The following NEK5 variants were observed in gnomAD, a reference collection of about 807,000 sequenced individuals.
NEK5 encodes serine/threonine-protein kinase Nek5.
In NEK5, 88 loss-of-function variants were observed where a neutral mutation model predicts 109.2. The ratio of observed to expected loss-of-function variants is 0.81; its 90% CI spans 0.68 to 0.96. The LOEUF is 0.96. Among genes scored for constraint, NEK5 ranks in the 40% least tolerant of loss-of-function variants. NEK5 has a pLI of 0.00. For missense variants in NEK5, 834 were observed against 920.7 expected (o/e 0.91, Z 1.22); for synonymous variants, 283 against 299.9 (o/e 0.94, Z 0.58).
At chr13:52,119,254 C>A in intron 4 of NEK5, 65 bp downstream of exon 4, 1 of 845,798 alleles carries the variant, frequency 1.2e-6, no homozygotes, top group Non-Finnish European at 1.8e-6. Context: ...AGGAACAAAT[C>A]TTTTTACATA....
chr13:52,056,104 T>G (rs982048908), intron 22 of NEK5, among the ~76,000 whole-genome samples: 1 of 151,988 alleles, frequency 6.6e-6, no homozygotes. Context: ...TGGAGGAAGA[T>G]CTACCAAGCA....
intron 3 of NEK5, among the ~76,000 whole-genome samples, chr13:52,120,984 T>C (rs1183434661): frequency 6.6e-6 from 1 of 151,130 alleles, no homozygotes; most frequent in East Asian, 1.9e-4. Context: ...CTGGCAAAGA[T>C]GAAAAGAATG....
At position 52,093,241 on chromosome 13, in the gene NEK5, G is replaced by T. The variant is rs1955333008; in HGVS notation, c.1027-6C>A. On this transcript the variant is annotated splice_polypyrimidine_tract_variant and splice_region_variant and intron_variant, in intron 12 of 23. Coordinates refer to ENST00000684899, the MANE Select transcript of NEK5 (RefSeq NM_001365552.1). ...GGTCTTTCTATCATTTTTATCTGAA[G>T]AAAACAAGAGGGGATGTTTTTAAAA... The T allele has an allele frequency of 6.2e-7, 1 of 1,604,958 alleles. No individual in the cohort carries two copies. The highest frequency in any genetic ancestry group is 8.5e-7 in the Non-Finnish European group (1 of 1,172,136).
intron 21 of NEK5, among the ~76,000 whole-genome samples, chr13:52,064,472 C>T (rs1163100362): frequency 2.7e-5 from 4 of 147,072 alleles, no homozygotes; most frequent in African/African-American, 2.5e-5. Flanking sequence ...CCCCGCCCGG[C>T]CAGCCGCCCC....
chr13:52,060,839 C>G (rs1954608156), intron 22 of NEK5, among the ~76,000 whole-genome samples: 1 of 152,092 alleles, frequency 6.6e-6, no homozygotes, highest in African/African-American at 2.4e-5. Context: ...AGAACAAACC[C>G]TCATTATGAT....
At chr13:52,081,387 T>A (rs1197618207) in intron 17 of NEK5, among the ~76,000 whole-genome samples, 1 of 151,656 alleles carries the variant, frequency 6.6e-6, no homozygotes, top group Non-Finnish European at 1.5e-5. Context: ...AGAGATGGGG[T>A]CTCACTATAT....
chr13:52,056,491 T>C (rs1395274615), intron 22 of NEK5, among the ~76,000 whole-genome samples: 1 of 148,176 alleles, frequency 6.7e-6, no homozygotes, highest in Non-Finnish European at 1.5e-5. Flanking sequence ...CAACAGAATA[T>C]ACATTTTTTT....
At chr13:52,060,458 G>A (rs1170636933) in intron 22 of NEK5, among the ~76,000 whole-genome samples, 3 of 152,002 alleles carry the variant, frequency 2.0e-5, no homozygotes, top group Non-Finnish European at 2.9e-5. Flanking sequence ...GGGTTCAAGC[G>A]TTCCTCCTGC....
chr13:52,038,460 A>G (rs928173107), intron 23 of NEK5, among the ~76,000 whole-genome samples: 2 of 152,218 alleles, frequency 1.3e-5, no homozygotes, highest in African/African-American at 2.4e-5. Context: ...TGACTTGCCA[A>G]TTTCAAGGTA....
At chr13:52,098,052 C>A (rs1338089330) in intron 12 of NEK5, among the ~76,000 whole-genome samples, 1 of 152,128 alleles carries the variant, frequency 6.6e-6, no homozygotes, top group African/African-American at 2.4e-5. Context: ...TCCCCTTCTG[C>A]CATGATTATA....
chr13:52,083,346 A>G lies in NEK5; in HGVS notation c.1486T>C (p.Ser496Pro). Reference sequence around the variant, plus strand: ...AAATAGGTTTTATGACTTATTTTTGAGTTCTCCTTTAACACAAATTATACA... The same window carrying G: ...AAATAGGTTTTATGACTTATTTTTGGGTTCTCCTTTAACACAAATTATACA... The part of the protein sequence containing the change: ...KKMGREPEEN[S>P]KISHKTYLVK... Residue 496 changes from serine to proline, a missense_variant, in exon 17 of 24, where the codon TCA becomes CCA. Ser to Pro is a moderately conservative substitution (Grantham distance 74). This residue lies in a region of NEK5 where 777 missense variants were observed against 824.7 expected (regional missense o/e 0.94). Coordinates refer to ENST00000684899, the MANE Select transcript of NEK5 (RefSeq NM_001365552.1). The G allele has an allele frequency of 1.2e-6, 2 of 1,603,446 alleles. No individual in the cohort carries two copies. Among genetic ancestry groups the G allele is most frequent in the Non-Finnish European group, 1.7e-6 (2 of 1,170,510 alleles).
intron 12 of NEK5, among the ~76,000 whole-genome samples, chr13:52,093,941 T>C (rs1371356598): frequency 3.3e-5 from 5 of 152,204 alleles, no homozygotes; most frequent in Admixed American, 2.0e-4. Context: ...CTCACACATA[T>C]GGGGATTTGC....
Position 52,101,953 on chromosome 13 carries a change from T to A in NEK5, c.872A>T (p.His291Leu). ...CTTACTCTGGACCACCTTCCCAGCA[T>A]GTCGAGAAGCTGGCGCTCCTGCTCT... ...ICRAGAPASR[H>L]AGKVVQKCKI... The change falls in exon 11 of 24, where the codon CAT (histidine) becomes CTT (leucine). Residue 291 changes from histidine (H) to leucine (L), a missense_variant. By Grantham distance (99) the His-to-Leu change is moderately conservative (BLOSUM62 -3). Around this residue, in one of 2 missense-constraint regions of NEK5, gnomAD observed 777 missense variants for 824.7 expected, o/e 0.94. Transcript: ENST00000684899. 6.2e-7 allele frequency: 1 copy of A among 1,614,176 alleles called. No individual in the cohort carries two copies. Among genetic ancestry groups the A allele is most frequent in the Non-Finnish European group, 8.5e-7 (1 of 1,179,988 alleles).
At chr13:52,110,259 T>A (rs1273838168) in intron 7 of NEK5, 81 bp downstream of exon 7, 25 of 900,646 alleles carry the variant, frequency 2.8e-5, no homozygotes, top group Middle Eastern at 5.6e-4. Flanking sequence ...AAGATTTTAA[T>A]ATCTTCTTAA....
At chr13:52,047,347 AG>A (rs1954468220) in intron 23 of NEK5, among the ~76,000 whole-genome samples, 1 of 152,246 alleles carries the variant, frequency 6.6e-6, no homozygotes, top group Non-Finnish European at 1.5e-5. Context: ...TTATATAAAA[AG>A]ACACATTTAC....
chr13:52,073,067 A>T (rs1954808815), intron 19 of NEK5, among the ~76,000 whole-genome samples: 1 of 152,218 alleles, frequency 6.6e-6, no homozygotes. Context: ...TTAAGACCTA[A>T]AATAAATGTG....
chr13:52,041,205 C>A (rs1954410244), intron 23 of NEK5, among the ~76,000 whole-genome samples: 1 of 152,006 alleles, frequency 6.6e-6, no homozygotes, highest in African/African-American at 2.4e-5. Flanking sequence ...AAAATTGGAC[C>A]ATGAACTAAC....
chr13:52,065,501 C>T lies in NEK5; in HGVS notation c.1958G>A (p.Cys653Tyr), dbSNP rs1339673173. Reference sequence around the variant, plus strand: ...AGACTCACTGTCAGGCCCCGTGGGGCAGGTGGAGGTGATGTCGGCCACTGC... The same window carrying T: ...AGACTCACTGTCAGGCCCCGTGGGGTAGGTGGAGGTGATGTCGGCCACTGC... The part of the protein sequence containing the change: ...MMAVADITST[C>Y]PTGPDNGQVI... The change falls in exon 21 of 24, where the codon TGC becomes TAC. Residue 653 changes from cysteine to tyrosine, a missense_variant. Cys to Tyr is a radical substitution (Grantham distance 194). Around this residue, in one of 2 missense-constraint regions of NEK5, gnomAD observed 777 missense variants for 824.7 expected, o/e 0.94. Transcript: ENST00000684899. The T allele has an allele frequency of 6.2e-7, 1 of 1,613,950 alleles. No homozygotes were observed. Among genetic ancestry groups the T allele is most frequent in the African/African-American group, 1.3e-5 (1 of 74,926 alleles).
chr13:52,074,755 A>G (rs963967996), intron 19 of NEK5, among the ~76,000 whole-genome samples: 1 of 152,162 alleles, frequency 6.6e-6, no homozygotes, highest in African/African-American at 2.4e-5. Flanking sequence ...TAATATCCAG[A>G]CTCTATAAGG....
Sources: allele counts gnomAD v4.1 joint callset (sites outside exome capture counted in the v4.1 genomes callset), GRCh38; gene constraint gnomAD v4.1.1; regional missense constraint gnomAD v4.1.1; transcripts MANE v1.5; gene names NCBI Gene and HGNC (gene_info 2026-07-23, HGNC 2026-07-21).